The following CNTNAP2 variants were observed in gnomAD, a reference collection of about 807,000 sequenced individuals.
The protein encoded by CNTNAP2 is contactin-associated protein-like 2.
A neutral mutation model predicts 155.2 loss-of-function variants in CNTNAP2; 98 were observed. The ratio of observed to expected loss-of-function variants is 0.63; its 90% CI spans 0.54 to 0.75. CNTNAP2 has a LOEUF of 0.75. CNTNAP2 is among the 30% of genes least tolerant of loss of function. The pLI, the probability that CNTNAP2 is intolerant of heterozygous loss-of-function variation, is 0.00. For missense variants in CNTNAP2, 1,727 were observed against 1,688.1 expected, an observed-to-expected ratio of 1.02 and a Z score of -0.40; for synonymous variants, 651 against 631.2, an observed-to-expected ratio of 1.03 and a Z score of -0.47.
chr7:146,487,892 C>A (rs1797080157), intron 1 of CNTNAP2, among the ~76,000 whole-genome samples: 2 of 151,976 alleles, frequency 1.3e-5, no homozygotes, highest in African/African-American at 2.4e-5. Flanking sequence ...TGTGGAGAGA[C>A]AGAGAGAGAC....
chr7:146,867,029 C>T (rs73461412), intron 3 of CNTNAP2, among the ~76,000 whole-genome samples: 33,214 of 151,704 alleles, frequency 0.22, 3,873 homozygotes, highest in Admixed American at 0.33. Flanking sequence ...TAATCTTTTA[C>T]TTTAGGTTTG....
chr7:147,884,430 A>G (rs1056603569), intron 13 of CNTNAP2, among the ~76,000 whole-genome samples: 9 of 152,142 alleles, frequency 5.9e-5, no homozygotes, highest in Non-Finnish European at 8.8e-5. Context: ...AACCAAAAAC[A>G]TATCTGAATA....
At chr7:146,776,765 T>G (rs1030423006) in intron 2 of CNTNAP2, among the ~76,000 whole-genome samples, 9 of 152,138 alleles carry the variant, frequency 5.9e-5, no homozygotes, top group African/African-American at 2.2e-4. Flanking sequence ...GTTAAATTAT[T>G]TTTTCTTTGT....
intron 3 of CNTNAP2, among the ~76,000 whole-genome samples, chr7:146,924,707 A>G (rs966677087): frequency 9.9e-5 from 15 of 152,238 alleles, no homozygotes; most frequent in African/African-American, 3.4e-4. Flanking sequence ...TTGACCTGAC[A>G]CTATTTTTTG....
At chr7:148,064,973 G>A (rs1172968359) in intron 15 of CNTNAP2, among the ~76,000 whole-genome samples, 2 of 152,022 alleles carry the variant, frequency 1.3e-5, no homozygotes, top group Non-Finnish European at 2.9e-5. Flanking sequence ...TATCCCAGAG[G>A]TTTTGATAGG....
At chr7:146,369,126 A>C (rs1795197882) in intron 1 of CNTNAP2, among the ~76,000 whole-genome samples, 1 of 149,334 alleles carries the variant, frequency 6.7e-6, no homozygotes, top group Non-Finnish European at 1.5e-5. Context: ...TGTACTTCCA[A>C]ATCTTCATTT....
chr7:146,681,284 G>T (rs1339100169), intron 1 of CNTNAP2, among the ~76,000 whole-genome samples: 1 of 150,244 alleles, frequency 6.7e-6, no homozygotes, highest in Non-Finnish European at 1.5e-5. Flanking sequence ...AGACAGGAGG[G>T]GTTGGGAAAG....
intron 18 of CNTNAP2, among the ~76,000 whole-genome samples, chr7:148,176,692 C>T (rs761274258): frequency 7.2e-5 from 11 of 152,200 alleles, no homozygotes; most frequent in Admixed American, 4.6e-4. Context: ...GCAGTCTCCT[C>T]ATCTGTCGGC....
intron 13 of CNTNAP2, among the ~76,000 whole-genome samples, chr7:147,684,131 C>T (rs1288602417): frequency 6.6e-6 from 1 of 151,722 alleles, no homozygotes. Context: ...TTAAAGAGAA[C>T]ATGACAGATA....
intron 11 of CNTNAP2, among the ~76,000 whole-genome samples, chr7:147,500,110 AAGC>A (rs1196784881): frequency 6.6e-6 from 1 of 151,786 alleles, no homozygotes; most frequent in African/African-American, 2.4e-5. Context: ...AACTGGTAGT[AAGC>A]AGAAGTGATT....
intron 10 of CNTNAP2, among the ~76,000 whole-genome samples, chr7:147,441,813 T>TTC (rs568227936): frequency 0.049 from 4,978 of 102,042 alleles, 209 homozygotes; most frequent in African/African-American, 0.098. Context: ...TGTAGTCTCT[T>TTC]TCTCTCTCTC....
intron 1 of CNTNAP2, among the ~76,000 whole-genome samples, chr7:146,728,186 G>C (rs1249698960): frequency 6.6e-6 from 1 of 152,084 alleles, no homozygotes; most frequent in Non-Finnish European, 1.5e-5. Flanking sequence ...TGTGTGGCGT[G>C]ATGTTTCAGG....
intron 13 of CNTNAP2, among the ~76,000 whole-genome samples, chr7:147,734,042 C>A (rs1796793833): frequency 6.6e-6 from 1 of 152,162 alleles, no homozygotes; most frequent in Non-Finnish European, 1.5e-5. Flanking sequence ...GCCAGAACTT[C>A]CAACACTATG....
intron 15 of CNTNAP2, among the ~76,000 whole-genome samples, chr7:148,031,769 C>T (rs1802480876): frequency 2.0e-5 from 3 of 152,144 alleles, no homozygotes; most frequent in Non-Finnish European, 4.4e-5. Context: ...GCACCTCTTT[C>T]CTTTTTCCTG....
chr7:146,515,973 A>G (rs1026781006), intron 1 of CNTNAP2, among the ~76,000 whole-genome samples: 1 of 152,120 alleles, frequency 6.6e-6, no homozygotes, highest in African/African-American at 2.4e-5. Context: ...AAATGTAAGT[A>G]TATAATATAC....
chr7:147,723,788 A>T lies in CNTNAP2; in HGVS notation c.2098+84482A>T, dbSNP rs1254716268. ...ATAATTATACATATTTATGGGGTAC[A>T]ATGTGATGTTTCAGTACACATATGC... On this transcript the variant is annotated intron_variant, in intron 13 of 23. Transcript: ENST00000361727. 4.6e-5 allele frequency among the ~76,000 whole-genome samples: 7 copies of T among 152,180 alleles called. No individual in the cohort carries two copies. The East Asian group carries it at 1.2e-3, about 25-fold the overall frequency.
intron 1 of CNTNAP2, among the ~76,000 whole-genome samples, chr7:146,274,843 T>C (rs2129083924): frequency 6.6e-6 from 1 of 152,330 alleles, no homozygotes; most frequent in South Asian, 2.1e-4. Context: ...GAGTGGGCTT[T>C]TGTTCCTTGT....
chr7:146,648,567 A>C (rs1428194718), intron 1 of CNTNAP2, among the ~76,000 whole-genome samples: 1 of 152,126 alleles, frequency 6.6e-6, no homozygotes, highest in East Asian at 1.9e-4. Context: ...TTTTGAGTCT[A>C]AGAGACCAAA....
intron 18 of CNTNAP2, among the ~76,000 whole-genome samples, chr7:148,179,600 G>A (rs1435851900): frequency 7.0e-6 from 1 of 142,836 alleles, no homozygotes; most frequent in Admixed American, 7.1e-5. Flanking sequence ...AGAGAGGGAG[G>A]GAGGGAAGGA....
Sources: allele counts gnomAD v4.1 joint callset (sites outside exome capture counted in the v4.1 genomes callset), GRCh38; gene constraint gnomAD v4.1.1; transcripts MANE v1.5; gene names NCBI Gene and HGNC (gene_info 2026-07-23, HGNC 2026-07-21).